GRIA4: variants seen among roughly 807,000 people sequenced by gnomAD.
GRIA4 encodes the protein glutamate receptor 4.
GRIA4 carries 34 observed loss-of-function variants against 104.0 expected under a neutral mutation model. The observed-to-expected ratio is 0.33, with a 90% CI of 0.25 to 0.44. The LOEUF (loss-of-function observed/expected upper bound fraction) is 0.44, where lower values mean the gene tolerates loss of function less well. GRIA4 is among the 20% of genes least tolerant of loss of function. The probability of loss-of-function intolerance (pLI) is 1.00; values close to 1 mark genes in which losing one functional copy is unlikely to be tolerated. For synonymous variants in GRIA4, 386 were observed against 381.9 expected, an observed-to-expected ratio of 1.01 and a Z score of -0.13; for missense variants, 750 against 1,096.5, an observed-to-expected ratio of 0.68 and a Z score of 4.46.
intron 3 of GRIA4, among the ~76,000 whole-genome samples, chr11:105,664,482 A>C (rs953072613): frequency 1.3e-5 from 2 of 151,720 alleles, no homozygotes; most frequent in African/African-American, 2.4e-5. Context: ...TAAGCAGGAA[A>C]ATGACATAAT....
chr11:105,842,355 C>A (rs991471097), intron 4 of GRIA4, among the ~76,000 whole-genome samples: 1 of 152,008 alleles, frequency 6.6e-6, no homozygotes, highest in South Asian at 2.1e-4. Flanking sequence ...AAATTAAACA[C>A]GATTAGTGTG....
chr11:105,974,580 G>A, intron 16 of GRIA4, 136 bp downstream of exon 16: 1 of 1,604,964 alleles, frequency 6.2e-7, no homozygotes, highest in Non-Finnish European at 8.5e-7. Flanking sequence ...CCCGACTACA[G>A]TGAGTGGGGG....
chr11:105,979,435 T>C (rs974615431), intron 16 of GRIA4, 140 bp from the exon 17 acceptor site: 16 of 722,206 alleles, frequency 2.2e-5, no homozygotes, highest in Non-Finnish European at 3.7e-5. Context: ...ATAAGCAGTT[T>C]TCATATGACC....
intron 3 of GRIA4, among the ~76,000 whole-genome samples, chr11:105,689,884 A>G (rs1286677593): frequency 6.6e-6 from 1 of 152,198 alleles, no homozygotes; most frequent in Non-Finnish European, 1.5e-5. Flanking sequence ...GGTTGTAACT[A>G]GCAGATACTG....
chr11:105,714,383 T>C (rs1354790020), intron 3 of GRIA4, among the ~76,000 whole-genome samples: 1 of 152,110 alleles, frequency 6.6e-6, no homozygotes, highest in African/African-American at 2.4e-5. Context: ...TTTAACAATC[T>C]GATATCACTT....
At chr11:105,901,933 G>A (rs759755512) in intron 7 of GRIA4, among the ~76,000 whole-genome samples, 8 of 151,652 alleles carry the variant, frequency 5.3e-5, no homozygotes, top group African/African-American at 9.7e-5. Context: ...TTTATTTCTC[G>A]TTTTTATTTT....
chr11:105,964,847 C>A (rs1948825724), intron 14 of GRIA4, among the ~76,000 whole-genome samples: 1 of 150,172 alleles, frequency 6.7e-6, no homozygotes, highest in Non-Finnish European at 1.5e-5. Flanking sequence ...GCTCTTGTCG[C>A]CCAGGCTGGG....
At chr11:105,926,089 A>G (rs1947695661) in intron 12 of GRIA4, among the ~76,000 whole-genome samples, 1 of 152,038 alleles carries the variant, frequency 6.6e-6, no homozygotes, top group Non-Finnish European at 1.5e-5. Flanking sequence ...TTAGCTCAGG[A>G]ATGGACTATC....
intron 4 of GRIA4, among the ~76,000 whole-genome samples, chr11:105,797,047 A>T (rs916286640): frequency 1.3e-5 from 2 of 151,902 alleles, no homozygotes; most frequent in African/African-American, 4.8e-5. Context: ...ACCCCCGTCA[A>T]TACAAAAAAT....
intron 3 of GRIA4, among the ~76,000 whole-genome samples, chr11:105,681,755 A>G (rs890002559): frequency 6.6e-6 from 1 of 152,194 alleles, no homozygotes; most frequent in Non-Finnish European, 1.5e-5. Context: ...TATTTGATTA[A>G]AAACAGGCCG....
In GRIA4 at chr11:105,956,633, T is replaced by G. The variant is rs540424574; in HGVS notation, c.2295-15281T>G. On this transcript the variant is annotated intron_variant, in intron 14 of 16. Coordinates refer to ENST00000282499, the MANE Select transcript of GRIA4 (RefSeq NM_000829.4). ...TTTGGGTATATATGCAGTAACAGGA[T>G]GGCTGGGCCAAATGGTATTTCTAGC... 3.0e-4 allele frequency among the ~76,000 whole-genome samples: 45 copies of G among 152,358 alleles called. 1 individual carries two copies. The highest frequency in any genetic ancestry group is 5.0e-4 in the Non-Finnish European group (34 of 68,036).
intron 14 of GRIA4, among the ~76,000 whole-genome samples, chr11:105,947,767 G>C (rs1483937415): frequency 6.6e-6 from 1 of 152,320 alleles, no homozygotes; most frequent in East Asian, 1.9e-4. Flanking sequence ...AACACCAATA[G>C]AAGCAAATGT....
chr11:105,736,492 A>G (rs1403849861), intron 3 of GRIA4, among the ~76,000 whole-genome samples: 1 of 152,132 alleles, frequency 6.6e-6, no homozygotes, highest in Non-Finnish European at 1.5e-5. Flanking sequence ...TATGTAGTAC[A>G]CTAAATACTC....
Position 105,649,258 on chromosome 11 carries a change from T to C in GRIA4, c.247+36824T>C, listed in dbSNP as rs1398598360. Among the ~76,000 whole-genome samples the C allele has an allele frequency of 2.6e-5, 4 of 152,164 alleles. No individual in the cohort carries two copies. In the South Asian group the frequency reaches 8.3e-4, roughly 32 times the overall value. ...AGATCAGAGAGTTAAGTAATAAAGG[T>C]ATAATATATTTTAAAAGACAATTAA... On this transcript the variant is annotated intron_variant, in intron 3 of 16. Coordinates refer to ENST00000282499, the MANE Select transcript of GRIA4 (RefSeq NM_000829.4).
chr11:105,792,115 T>G (rs1465675116), intron 4 of GRIA4, among the ~76,000 whole-genome samples: 3 of 152,164 alleles, frequency 2.0e-5, no homozygotes, highest in African/African-American at 7.2e-5. Flanking sequence ...AAACTATACT[T>G]GTTTCTTCTC....
At chr11:105,737,591 A>G (rs1486540002) in intron 3 of GRIA4, among the ~76,000 whole-genome samples, 1 of 152,190 alleles carries the variant, frequency 6.6e-6, no homozygotes, top group African/African-American at 2.4e-5. Flanking sequence ...GTTTGCTTTA[A>G]GAAGTGGCTT....
At chr11:105,868,904 G>A (rs1291468662) in intron 5 of GRIA4, among the ~76,000 whole-genome samples, 1 of 152,124 alleles carries the variant, frequency 6.6e-6, no homozygotes, top group Non-Finnish European at 1.5e-5. Flanking sequence ...AAGATGTGAG[G>A]TTTTGCTAAG....
intron 16 of GRIA4, chr11:105,974,677 T>C (rs72979245): frequency 0.19 from 191,645 of 1,010,788 alleles, 19,854 homozygotes; most frequent in East Asian, 0.22. Flanking sequence ...TTTTGAAAAC[T>C]TCAGTGCAAA....
intron 4 of GRIA4, among the ~76,000 whole-genome samples, chr11:105,791,286 T>C (rs1942203227): frequency 6.6e-6 from 1 of 152,146 alleles, no homozygotes; most frequent in African/African-American, 2.4e-5. Flanking sequence ...TCCACAGTGG[T>C]AAAGAGAAAT....
Sources: gnomAD v4.1 joint callset for allele counts (sites outside exome capture counted in the v4.1 genomes callset) on GRCh38, gnomAD v4.1.1 for gene constraint, MANE v1.5 for transcripts, NCBI Gene and HGNC (gene_info 2026-07-23, HGNC 2026-07-21) for gene names.